CHD7: variants seen among roughly 807,000 people sequenced by gnomAD.
CHD7 encodes the protein chromodomain helicase DNA binding protein 7.
A neutral mutation model predicts 307.3 loss-of-function variants in CHD7; 24 were observed. That is an observed-to-expected ratio of 0.08 (90% CI 0.06 to 0.11). The LOEUF is 0.11. CHD7 is among the 10% of genes least tolerant of loss of function. CHD7 has a pLI of 1.00. For missense variants in CHD7, 3,106 were observed against 3,727.1 expected (o/e 0.83, Z 4.34); for synonymous variants, 1,363 against 1,349.9 (o/e 1.01, Z -0.21).
intron 2 of CHD7, among the ~76,000 whole-genome samples, chr8:60,752,836 A>G (rs1809703591): frequency 6.6e-6 from 1 of 152,210 alleles, no homozygotes; most frequent in Admixed American, 6.5e-5. Flanking sequence ...ACCACTTTGG[A>G]GTGTGCTAGA....
rs1064794834 is a variant in CHD7, at chr8:60,856,541, A to G, written c.7261A>G (p.Met2421Val). The change falls in exon 34 of 38, where the codon ATG becomes GTG. Residue 2421 changes from methionine (M) to valine (V), a missense_variant. Around this residue, in one of 10 missense-constraint regions of CHD7, gnomAD observed 1,030 missense variants for 1,165.4 expected, o/e 0.88. Transcript: ENST00000423902. ...AAGAGCTGCCAAGAGGCGAAATCTC[A>G]TGGAGATGGTTGCCCAGCTTCGAGA... ...AERAAKRRNL[M>V]EMVAQLRESQ... The G allele has an allele frequency of 1.9e-6, 3 of 1,612,810 alleles. No homozygotes were observed. The African/African-American group carries it at 4.0e-5, about 22-fold the overall frequency.
At chr8:60,798,338 C>G (rs544008348) in intron 4 of CHD7, among the ~76,000 whole-genome samples, 3 of 152,324 alleles carry the variant, frequency 2.0e-5, no homozygotes, top group Non-Finnish European at 4.4e-5. Flanking sequence ...TCTTAATAAA[C>G]TTTTTCTAGA....
intron 7 of CHD7, among the ~76,000 whole-genome samples, chr8:60,814,825 A>C (rs1803651019): frequency 6.6e-6 from 1 of 152,240 alleles, no homozygotes; most frequent in South Asian, 2.1e-4. Context: ...ATACAGGTTG[A>C]GTATCCCTTA....
chr8:60,770,988 C>T (rs1810680812), intron 2 of CHD7, among the ~76,000 whole-genome samples: 1 of 152,300 alleles, frequency 6.6e-6, no homozygotes, highest in South Asian at 2.1e-4. Context: ...TTATAACCAG[C>T]TTTTTGTGAT....
chr8:60,807,527 ACTCTT>A (rs1812594032), intron 6 of CHD7, among the ~76,000 whole-genome samples: 1 of 152,050 alleles, frequency 6.6e-6, no homozygotes, highest in South Asian at 2.1e-4. Context: ...ACTACTGAAA[ACTCTT>A]GATTTGGCTG....
chr8:60,786,678 G>A (rs182990767), intron 3 of CHD7, among the ~76,000 whole-genome samples: 33 of 152,314 alleles, frequency 2.2e-4, no homozygotes, highest in African/African-American at 6.3e-4. Flanking sequence ...CAGATGGAGC[G>A]TATGTTGCCA....
Position 60,781,241 on chromosome 8 carries a change from G to A in CHD7, c.1907G>A (p.Gly636Glu). ...NQELNRNSLDGSQEEKKKKKR... is the reference protein window; with the variant it reads ...NQELNRNSLDESQEEKKKKKR... ...GAACTAAATAGGAACTCACTGGATGGGTCCCAAGAAGAAAAAAAGAAAAAG... is the reference window on the plus strand; with the variant it reads ...GAACTAAATAGGAACTCACTGGATGAGTCCCAAGAAGAAAAAAAGAAAAAG... The change falls in exon 3 of 38, where the codon GGG (glycine) becomes GAG (glutamate). Residue 636 changes from glycine to glutamate, a missense_variant. Around this residue, in one of 10 missense-constraint regions of CHD7, gnomAD observed 998 missense variants for 1,004.5 expected, o/e 0.99. Transcript: ENST00000423902. The A allele has an allele frequency of 1.3e-6, 2 of 1,580,638 alleles. No individual in the cohort carries two copies. Among genetic ancestry groups the A allele is most frequent in the Non-Finnish European group, 1.7e-6 (2 of 1,163,024 alleles).
intron 1 of CHD7, among the ~76,000 whole-genome samples, chr8:60,686,862 G>A (rs530160792): frequency 7.2e-5 from 11 of 152,258 alleles, no homozygotes; most frequent in Admixed American, 2.0e-4. Flanking sequence ...CAAGTTTGGG[G>A]AACTACTTTA....
chr8:60,814,031 A>G (rs111909169), intron 7 of CHD7, among the ~76,000 whole-genome samples: 4 of 152,274 alleles, frequency 2.6e-5, no homozygotes, highest in African/African-American at 9.6e-5. Flanking sequence ...ATTATTTCTT[A>G]TTAGCTTCAT....
At chr8:60,680,103 G>GC in intron 1 of CHD7, among the ~76,000 whole-genome samples, 1 of 150,948 alleles carries the variant, frequency 6.6e-6, no homozygotes, top group Non-Finnish European at 1.5e-5. Context: ...CGGCTCCCCC[G>GC]CCCCCCAACC....
rs1237792665 is a variant in CHD7, at chr8:60,678,782, G to GGCGGCGGCGGCA, written c.-467_-466insGGCAGCGGCGGC. 3 of 141,678 alleles carry GGCGGCGGCGGCA rather than the reference G, an allele frequency of 2.1e-5. No individual in the cohort carries two copies. The highest frequency in any genetic ancestry group is 2.1e-4 in the East Asian group (1 of 4,740). 8.8% of individuals were successfully genotyped at this position (141,678 alleles called of 1,614,324 possible). On this transcript the variant is annotated 5_prime_UTR_variant, in exon 1 of 38. Transcript: ENST00000423902. The stretch of plus-strand genomic sequence containing the variant: ...CTGGGGCCGCGGCGGCGGCGGCGGC[G>GGCGGCGGCGGCA]GCGGCGGCAGCGGCGGCGGCGGCGG...
chr8:60,679,110 CCGGGAGGGGCGGCGGCGGCGG>C (rs1360587485), intron 1 of CHD7, 28 bp downstream of exon 1: 3 of 155,562 alleles, frequency 1.9e-5, no homozygotes, highest in African/African-American at 2.5e-5. Flanking sequence ...CCCGGCGCCC[CCGGGAGGGGCGGCGGCGGCGG>C]CGGCGGCAGG....
chr8:60,710,491 C>A (rs757322886), intron 1 of CHD7, among the ~76,000 whole-genome samples: 20 of 152,164 alleles, frequency 1.3e-4, no homozygotes. Flanking sequence ...GCCTTTCTAA[C>A]GTGCAATTGA....
chr8:60,852,300 G>A, intron 29 of CHD7, 53 bp downstream of exon 29: 3 of 1,507,960 alleles, frequency 2.0e-6, no homozygotes, highest in Non-Finnish European at 2.7e-6. Context: ...CCTCTGCCCT[G>A]CTCCTGTAGA....
At chr8:60,746,181 G>A (rs974912169) in intron 2 of CHD7, among the ~76,000 whole-genome samples, 3 of 152,044 alleles carry the variant, frequency 2.0e-5, no homozygotes, top group African/African-American at 4.8e-5. Flanking sequence ...CTACAGGCGC[G>A]CACCACCGTG....
At chr8:60,709,091 T>A (rs1807159570) in intron 1 of CHD7, among the ~76,000 whole-genome samples, 1 of 152,224 alleles carries the variant, frequency 6.6e-6, no homozygotes, top group Admixed American at 6.5e-5. Context: ...TTATCTACGT[T>A]CCTGTTTTCT....
At chr8:60,718,081 G>T (rs1324050298) in intron 1 of CHD7, among the ~76,000 whole-genome samples, 3 of 152,176 alleles carry the variant, frequency 2.0e-5, no homozygotes, top group Non-Finnish European at 2.9e-5. Flanking sequence ...AGACCTTCCA[G>T]TCTTCAGAGT....
chr8:60,809,914 G>T (rs1812718687), intron 7 of CHD7, among the ~76,000 whole-genome samples: 1 of 152,124 alleles, frequency 6.6e-6, no homozygotes, highest in Admixed American at 6.5e-5. Context: ...TTGCTAAGGG[G>T]TGATTTACTA....
Position 60,836,254 on chromosome 8 carries a change from C to T in CHD7, c.3960C>T (p.Asp1320=). The T allele has an allele frequency of 1.2e-6, 2 of 1,613,960 alleles. No individual in the cohort carries two copies. Among genetic ancestry groups the T allele is most frequent in the Middle Eastern group, 1.7e-4 (1 of 6,060 alleles). The part of the protein sequence containing the change: ...LIFSQMVRCL[D]ILEDYLIQRR... ...TTTCCCAGATGGTGCGCTGCTTGGA[C>T]ATACTGGAAGACTACCTCATTCAAA... The change falls in exon 16 of 38, where the codon GAC becomes GAT. Residue 1320 remains aspartate, a synonymous_variant. Coordinates refer to ENST00000423902, the MANE Select transcript of CHD7 (RefSeq NM_017780.4).
Sources: gnomAD v4.1 joint callset for allele counts (sites outside exome capture counted in the v4.1 genomes callset) on GRCh38, gnomAD v4.1.1 for gene constraint, gnomAD v4.1.1 regional missense constraint, MANE v1.5 for transcripts, NCBI Gene and HGNC (gene_info 2026-07-23, HGNC 2026-07-21) for gene names.